The following AGMO variants were observed in gnomAD, a reference collection of about 807,000 sequenced individuals.
AGMO encodes alkylglycerol monooxygenase.
Under a neutral mutation model 60.2 loss-of-function variants are expected in AGMO, and 75 were observed. The observed-to-expected ratio is 1.25, with a 90% confidence interval of 1.03 to 1.51. The LOEUF (loss-of-function observed/expected upper bound fraction) is 1.51. Ranked by LOEUF, AGMO falls within the 40% of genes most tolerant of loss-of-function variation. AGMO has a pLI of 0.00. For missense variants in AGMO, 763 were observed against 525.5 expected (o/e 1.45, Z -4.42); for synonymous variants, 261 against 177.1 (o/e 1.47, Z -3.76).
intron 3 of AGMO, among the ~76,000 whole-genome samples, chr7:15,528,120 G>T (rs1784172550): frequency 6.6e-6 from 1 of 151,996 alleles, no homozygotes; most frequent in African/African-American, 2.4e-5. Context: ...ATTTTGTAAG[G>T]CTACCATTGC....
At chr7:15,156,556 T>C in the AGMO span, among the ~76,000 whole-genome samples, 2 of 152,160 alleles carry the variant, frequency 1.3e-5, no homozygotes, top group African/African-American at 4.8e-5. Flanking sequence ...CAGATGTTCT[T>C]GGGGGCTGTG....
At chr7:15,190,194 T>A in the AGMO span, among the ~76,000 whole-genome samples, 1 of 1,846 alleles carries the variant, frequency 5.4e-4, no homozygotes, top group African/African-American at 1.8e-3. Context: ...TATATATATA[T>A]ATATATTTAT....
intron 3 of AGMO, among the ~76,000 whole-genome samples, chr7:15,508,455 G>C (rs1783581253): frequency 6.6e-6 from 1 of 152,082 alleles, no homozygotes; most frequent in African/African-American, 2.4e-5. Context: ...AAATGAATTT[G>C]TTTGAGGAAG....
At chr7:15,468,148 T>G (rs1782341893) in intron 3 of AGMO, among the ~76,000 whole-genome samples, 1 of 152,200 alleles carries the variant, frequency 6.6e-6, no homozygotes, top group South Asian at 2.1e-4. Context: ...GATACTGAAT[T>G]TAAATGCTGG....
At chr7:15,377,643 G>C (rs944191765) in intron 10 of AGMO, among the ~76,000 whole-genome samples, 2 of 151,942 alleles carry the variant, frequency 1.3e-5, no homozygotes, top group Admixed American at 1.3e-4. Context: ...TCAACAATGC[G>C]AACTGTACTC....
intron 12 of AGMO, among the ~76,000 whole-genome samples, chr7:15,229,115 A>G (rs922171923): frequency 6.6e-6 from 1 of 152,090 alleles, no homozygotes; most frequent in East Asian, 1.9e-4. Flanking sequence ...CCTCCAGTTC[A>G]ACCAACTTTT....
chr7:15,379,794 A>G (rs969080558), intron 10 of AGMO, among the ~76,000 whole-genome samples: 1 of 152,110 alleles, frequency 6.6e-6, no homozygotes, highest in Non-Finnish European at 1.5e-5. Flanking sequence ...CTAGCATCAC[A>G]TCAAAAAGCT....
the AGMO span, among the ~76,000 whole-genome samples, chr7:15,151,998 C>G: frequency 6.6e-6 from 1 of 151,982 alleles, no homozygotes; most frequent in Admixed American, 6.6e-5. Flanking sequence ...CTGAAATATC[C>G]CAAATATTGT....
At chr7:15,233,826 T>G (rs1389987139) in intron 12 of AGMO, among the ~76,000 whole-genome samples, 1 of 151,982 alleles carries the variant, frequency 6.6e-6, no homozygotes, top group Non-Finnish European at 1.5e-5. Context: ...CTGAGGCGCG[T>G]GGATCACGAG....
chr7:15,305,081 T>C (rs551778671), intron 12 of AGMO, among the ~76,000 whole-genome samples: 2 of 152,028 alleles, frequency 1.3e-5, no homozygotes, highest in Non-Finnish European at 1.5e-5. Context: ...AAAGTGTTAC[T>C]AGAAGTGATT....
At chr7:15,324,922 C>A (rs1269604748) in intron 12 of AGMO, among the ~76,000 whole-genome samples, 1 of 152,038 alleles carries the variant, frequency 6.6e-6, no homozygotes, top group Non-Finnish European at 1.5e-5. Context: ...ACCAACCAGT[C>A]CGTGGTTGGG....
At chr7:15,294,578 A>G (rs1563073573) in intron 12 of AGMO, among the ~76,000 whole-genome samples, 1 of 152,000 alleles carries the variant, frequency 6.6e-6, no homozygotes, top group Non-Finnish European at 1.5e-5. Flanking sequence ...TCTTAAAATA[A>G]TACTACAAAA....
At chr7:15,548,766 C>T (rs965667825) in intron 2 of AGMO, among the ~76,000 whole-genome samples, 3 of 152,160 alleles carry the variant, frequency 2.0e-5, no homozygotes, top group Non-Finnish European at 4.4e-5. Flanking sequence ...AGGAGAACTT[C>T]CCCAATCTAG....
intron 12 of AGMO, among the ~76,000 whole-genome samples, chr7:15,229,060 C>T (rs999283519): frequency 2.0e-5 from 3 of 152,070 alleles, no homozygotes; most frequent in Admixed American, 6.6e-5. Flanking sequence ...ATGTTTCCAA[C>T]CTTTACTTCC....
At chr7:15,415,473 G>A (rs1474526035) in intron 5 of AGMO, among the ~76,000 whole-genome samples, 2 of 151,932 alleles carry the variant, frequency 1.3e-5, no homozygotes, top group African/African-American at 4.8e-5. Flanking sequence ...AACCCAGGAG[G>A]TGGAGGTTTC....
intron 12 of AGMO, among the ~76,000 whole-genome samples, chr7:15,325,976 A>G (rs1432935139): frequency 2.6e-5 from 4 of 152,158 alleles, no homozygotes; most frequent in Admixed American, 6.6e-5. Flanking sequence ...AAGAATAAAA[A>G]AAGTTTATAA....
chr7:15,478,845 A>G (rs1230167987), intron 3 of AGMO, among the ~76,000 whole-genome samples: 1 of 152,170 alleles, frequency 6.6e-6, no homozygotes, highest in Non-Finnish European at 1.5e-5. Flanking sequence ...TTGTATTGAT[A>G]TTGTATATTG....
chr7:15,149,414 T>C, the AGMO span, among the ~76,000 whole-genome samples: 1 of 152,112 alleles, frequency 6.6e-6, no homozygotes, highest in Non-Finnish European at 1.5e-5. Context: ...CAAAAATATT[T>C]TCTAGTTTTT....
rs77688401 is a variant in AGMO at position 15,527,258 on chromosome 7, G to C, written c.409+17514C>G. Among the ~76,000 whole-genome samples, 33 of 152,174 alleles carry C rather than the reference G, an allele frequency of 2.2e-4. No homozygotes were observed. In the East Asian group the frequency reaches 5.8e-3, roughly 27 times the overall value. On this transcript the variant is annotated intron_variant, in intron 3 of 12. Transcript: ENST00000342526. Reference sequence around the variant, plus strand: ...CAAGTAGTGGATATCCAGCAAAGAAGTTCTTGAAAAAAATTAAAAGTTCTA... The same window carrying C: ...CAAGTAGTGGATATCCAGCAAAGAACTTCTTGAAAAAAATTAAAAGTTCTA...
Sources: gnomAD v4.1 joint callset for allele counts (sites outside exome capture counted in the v4.1 genomes callset) on GRCh38, gnomAD v4.1.1 for gene constraint, MANE v1.5 for transcripts, NCBI Gene and HGNC (gene_info 2026-07-23, HGNC 2026-07-21) for gene names.